The following MAN1C1 variants were observed in gnomAD, a reference collection of about 807,000 sequenced individuals.
MAN1C1 encodes the protein mannosidase alpha class 1C member 1, also known as mannosyl-oligosaccharide 1,2-alpha-mannosidase IC.
A neutral mutation model predicts 71.5 loss-of-function variants in MAN1C1; 49 were observed. The observed-to-expected ratio is 0.69, with a 90% CI of 0.54 to 0.87. MAN1C1 has a LOEUF of 0.87. MAN1C1 is among the 40% of genes least tolerant of loss of function. MAN1C1 has a pLI of 0.00. For synonymous variants in MAN1C1, 352 were observed against 343.7 expected (o/e 1.02, Z -0.27); for missense variants, 743 against 835.0 (o/e 0.89, Z 1.36).
At chr1:25,682,856 G>A (rs2046173497) in intron 1 of MAN1C1, among the ~76,000 whole-genome samples, 1 of 151,994 alleles carries the variant, frequency 6.6e-6, no homozygotes, top group African/African-American at 2.4e-5. Context: ...TGGCCAACAT[G>A]GTGAAACCTC....
At chr1:25,672,022 A>G (rs1399880759) in intron 1 of MAN1C1, among the ~76,000 whole-genome samples, 1 of 152,244 alleles carries the variant, frequency 6.6e-6, no homozygotes, top group Non-Finnish European at 1.5e-5. Flanking sequence ...AGCCAGTAGC[A>G]TGGCTCAGTC....
At chr1:25,702,164 G>A (rs114574807) in intron 2 of MAN1C1, among the ~76,000 whole-genome samples, 3 of 152,178 alleles carry the variant, frequency 2.0e-5, no homozygotes, top group Non-Finnish European at 2.9e-5. Context: ...AATGCATGAC[G>A]ATCGCCGGCC....
chr1:25,686,328 G>T lies in MAN1C1; in HGVS notation c.541-112G>T, dbSNP rs536577943. 109 of 851,770 alleles carry T rather than the reference G, an allele frequency of 1.3e-4. 1 individual carries two copies. The South Asian group carries it at 1.4e-3, about 11-fold the overall frequency. 52.8% of individuals were successfully genotyped at this position (851,770 alleles called of 1,614,324 possible). On this transcript the variant is annotated intron_variant, in intron 1 of 11. Coordinates refer to ENST00000374332, the MANE Select transcript of MAN1C1 (RefSeq NM_020379.4). ...CACTTTCTCCAATTTGGAAAATTTGGAAGGTTATCTTTTAGTTTAAAAACA... is the reference window on the plus strand; with the variant it reads ...CACTTTCTCCAATTTGGAAAATTTGTAAGGTTATCTTTTAGTTTAAAAACA...
Position 25,653,157 on chromosome 1 carries a change from G to A in MAN1C1, c.541-33283G>A, listed in dbSNP as rs141894828. On this transcript the variant is annotated intron_variant, in intron 1 of 11. Coordinates refer to ENST00000374332, the MANE Select transcript of MAN1C1 (RefSeq NM_020379.4). ...CAGTGGCACAATCTAAGCTCGCTGC[G>A]GTCTTGACCTCCTGGGCTCAAATCC... Among the ~76,000 whole-genome samples the A allele has an allele frequency of 4.1e-4, 61 of 150,028 alleles. No homozygotes were observed. The East Asian group carries it at 0.011, about 26-fold the overall frequency.
chr1:25,774,558 A>G (rs1174818310), intron 8 of MAN1C1, among the ~76,000 whole-genome samples: 1 of 152,218 alleles, frequency 6.6e-6, no homozygotes, highest in Admixed American at 6.5e-5. Context: ...GCAGGCGGCA[A>G]AGGAAGGAAC....
At position 25,712,119 on chromosome 1, in the gene MAN1C1, A is replaced by G. The variant is rs139575997; in HGVS notation, c.637+25583A>G. Among the ~76,000 whole-genome samples, 6 of 152,334 alleles carry G rather than the reference A, an allele frequency of 3.9e-5. No homozygotes were observed. In the East Asian group the frequency reaches 1.2e-3, roughly 29 times the overall value. ...CAGGCCCTCAATGTTGGCATATAGTAGGTGCTAAATAAATGTCTGCAGAAG... is the reference window on the plus strand; with the variant it reads ...CAGGCCCTCAATGTTGGCATATAGTGGGTGCTAAATAAATGTCTGCAGAAG... On this transcript the variant is annotated intron_variant, in intron 2 of 11. Transcript: ENST00000374332.
intron 6 of MAN1C1, among the ~76,000 whole-genome samples, chr1:25,762,424 A>C (rs186490740): frequency 3.5e-5 from 5 of 141,926 alleles, no homozygotes; most frequent in Admixed American, 7.2e-5. Flanking sequence ...CCCCTAACCT[A>C]TACTATACCA....
chr1:25,619,051 A>G (rs1018635982), intron 1 of MAN1C1, among the ~76,000 whole-genome samples: 1 of 152,234 alleles, frequency 6.6e-6, no homozygotes, highest in African/African-American at 2.4e-5. Flanking sequence ...TAGGGATTGT[A>G]CCAGGAGGGA....
chr1:25,681,207 C>T (rs2046147615), intron 1 of MAN1C1, among the ~76,000 whole-genome samples: 1 of 137,810 alleles, frequency 7.3e-6, no homozygotes, highest in African/African-American at 2.7e-5. Flanking sequence ...GCCTGGGCAA[C>T]AAGAGCAATA....
chr1:25,643,763 T>A (rs2045571901), intron 1 of MAN1C1, among the ~76,000 whole-genome samples: 1 of 151,966 alleles, frequency 6.6e-6, no homozygotes, highest in South Asian at 2.1e-4. Context: ...CGCCTCTGCC[T>A]CTCAGAGTGC....
intron 1 of MAN1C1, among the ~76,000 whole-genome samples, chr1:25,665,915 TCTA>T (rs2045917671): frequency 7.0e-6 from 1 of 142,912 alleles, no homozygotes; most frequent in Non-Finnish European, 1.5e-5. Context: ...GGAGAGGTCA[TCTA>T]CTGGGTTTCA....
intron 2 of MAN1C1, among the ~76,000 whole-genome samples, chr1:25,733,744 G>A (rs911642539): frequency 5.9e-5 from 9 of 151,942 alleles, no homozygotes; most frequent in African/African-American, 9.7e-5. Context: ...CTCAATCTTC[G>A]TCTGTAAGAG....
At position 25,722,032 on chromosome 1, in the gene MAN1C1, G is replaced by A. The variant is rs1445568496; in HGVS notation, c.638-24636G>A. On this transcript the variant is annotated intron_variant, in intron 2 of 11. Transcript: ENST00000374332. Reference sequence around the variant, plus strand: ...AACTGAAACTCTATTCTACTCTCACGCTTAATCGATAATTAGGCTGAATAA... The same window carrying A: ...AACTGAAACTCTATTCTACTCTCACACTTAATCGATAATTAGGCTGAATAA... Among the ~76,000 whole-genome samples, 9 of 152,156 alleles carry A rather than the reference G, an allele frequency of 5.9e-5. No homozygotes were observed. The East Asian group carries it at 1.3e-3, about 23-fold the overall frequency.
intron 1 of MAN1C1, among the ~76,000 whole-genome samples, chr1:25,678,887 G>A (rs1055460235): frequency 2.6e-5 from 4 of 152,156 alleles, no homozygotes; most frequent in Non-Finnish European, 5.9e-5. Context: ...TGGGAATGGT[G>A]GTTGTTAAAT....
chr1:25,737,658 A>C (rs2047000975), intron 2 of MAN1C1, among the ~76,000 whole-genome samples: 1 of 152,204 alleles, frequency 6.6e-6, no homozygotes, highest in Admixed American at 6.5e-5. Flanking sequence ...ATGCAGAGAC[A>C]TACAATATCG....
At chr1:25,628,986 A>T (rs571276279) in intron 1 of MAN1C1, among the ~76,000 whole-genome samples, 4 of 151,706 alleles carry the variant, frequency 2.6e-5, no homozygotes, top group African/African-American at 9.7e-5. Context: ...TTCTTTATCC[A>T]CTCGTTGGCC....
rs2046894362 is a variant in MAN1C1 at position 25,730,501 on chromosome 1, C to A, written c.638-16167C>A. On this transcript the variant is annotated intron_variant, in intron 2 of 11. Coordinates refer to ENST00000374332, the MANE Select transcript of MAN1C1 (RefSeq NM_020379.4). The surrounding 1 kb of genome is among the most constrained non-coding windows in gnomAD (Gnocchi z 4.3). ...ATTGTTCAGTCACATGAGGGTGGTG[C>A]CTCCTGAGTTCTGAGAACTGCTCTC... Among the ~76,000 whole-genome samples the A allele has an allele frequency of 6.6e-6, 1 of 152,086 alleles. No individual in the cohort carries two copies. The highest frequency in any genetic ancestry group is 1.5e-5 in the Non-Finnish European group (1 of 68,022).
chr1:25,700,499 C>T (rs1397783771), intron 2 of MAN1C1, among the ~76,000 whole-genome samples: 1 of 152,114 alleles, frequency 6.6e-6, no homozygotes, highest in Non-Finnish European at 1.5e-5. Context: ...GAGCTGGGAG[C>T]AGAGTTGGGC....
chr1:25,620,913 ACT>A (rs994793399), intron 1 of MAN1C1, among the ~76,000 whole-genome samples: 3 of 152,166 alleles, frequency 2.0e-5, no homozygotes, highest in African/African-American at 7.2e-5. Flanking sequence ...GTCAGGAAAC[ACT>A]CTGTCACTAG....
Sources: allele counts gnomAD v4.1 joint callset (sites outside exome capture counted in the v4.1 genomes callset), GRCh38; gene constraint gnomAD v4.1.1; non-coding constraint Gnocchi (gnomAD v3.1); transcripts MANE v1.5; gene names NCBI Gene and HGNC (gene_info 2026-07-23, HGNC 2026-07-21).